Variants in SMAD3 observed in about 807,000 individuals in gnomAD.
SMAD3 encodes MAD homolog 3.
Under a neutral mutation model 51.8 loss-of-function variants are expected in SMAD3, and 12 were observed. The observed-to-expected ratio is 0.23, with a 90% confidence interval of 0.15 to 0.38. SMAD3 has a LOEUF of 0.38. Among genes scored for constraint, SMAD3 ranks in the 10% least tolerant of loss-of-function variants. SMAD3 has a pLI of 1.00. For missense variants in SMAD3, 294 were observed against 565.6 expected (o/e 0.52, Z 4.87); for synonymous variants, 238 against 227.7 (o/e 1.05, Z -0.41).
chr15:67,181,316 G>C lies in SMAD3; in HGVS notation c.734G>C (p.Gly245Ala). Residue 245 changes from glycine to alanine, a missense_variant, in exon 6 of 9, where the codon GGG becomes GCG. Around this residue, in one of 3 missense-constraint regions of SMAD3, gnomAD observed 118 missense variants for 278.0 expected, o/e 0.42. Transcript: ENST00000327367. ...TACTACGAGCTGAACCAGCGCGTCG[G>C]GGAGACATTCCACGCCTCGCAGCCA... ...ISYYELNQRV[G>A]ETFHASQPSM... The C allele has an allele frequency of 1.2e-6, 2 of 1,614,056 alleles. No individual in the cohort carries two copies. Among genetic ancestry groups the C allele is most frequent in the Non-Finnish European group, 1.7e-6 (2 of 1,180,034 alleles).
At chr15:67,074,251 G>C (rs1960119358) in intron 1 of SMAD3, among the ~76,000 whole-genome samples, 3 of 152,234 alleles carry the variant, frequency 2.0e-5, no homozygotes, top group Non-Finnish European at 4.4e-5. Flanking sequence ...TGCCTCTTGA[G>C]ATGCAGTGAA....
chr15:67,091,351 GT>G (rs1169224239), intron 1 of SMAD3, among the ~76,000 whole-genome samples: 1 of 152,240 alleles, frequency 6.6e-6, no homozygotes, highest in Non-Finnish European at 1.5e-5. Context: ...GCTGAAGGCG[GT>G]TTGGGGTGTT....
intron 5 of SMAD3, among the ~76,000 whole-genome samples, chr15:67,180,963 C>T (rs1373860500): frequency 7.3e-6 from 1 of 136,202 alleles, no homozygotes; most frequent in African/African-American, 2.7e-5. Flanking sequence ...GGGGCAGGGC[C>T]TTTATGAGCT....
At chr15:67,146,308 T>C (rs1371456156) in intron 1 of SMAD3, among the ~76,000 whole-genome samples, 1 of 152,244 alleles carries the variant, frequency 6.6e-6, no homozygotes, top group Non-Finnish European at 1.5e-5. Flanking sequence ...AGTAGGCCTG[T>C]AGTAAACACA....
intron 1 of SMAD3, among the ~76,000 whole-genome samples, chr15:67,096,644 T>C (rs2140219319): frequency 6.6e-6 from 1 of 152,270 alleles, no homozygotes; most frequent in African/African-American, 2.4e-5. Context: ...TTGATACTTT[T>C]TTTTTTTTTG....
chr15:67,172,773 C>G (rs887923001), intron 5 of SMAD3, among the ~76,000 whole-genome samples: 5 of 152,170 alleles, frequency 3.3e-5, no homozygotes, highest in Non-Finnish European at 7.3e-5. Context: ...GCGTGCACTC[C>G]CATTGTGGCA....
intron 1 of SMAD3, chr15:67,125,975 C>T (rs528866528): frequency 2.0e-6 from 2 of 985,524 alleles, no homozygotes; most frequent in East Asian, 1.1e-4. Flanking sequence ...TGTTGAGCAA[C>T]CACGTTTGAG....
At chr15:67,103,036 G>GCTTACCATTT (rs1960795213) in intron 1 of SMAD3, among the ~76,000 whole-genome samples, 6 of 152,082 alleles carry the variant, frequency 3.9e-5, no homozygotes, top group Admixed American at 3.9e-4. Flanking sequence ...TCCCAGCTCT[G>GCTTACCATTT]GTATGTAGTA....
At chr15:67,124,107 C>T (rs4776894) in intron 1 of SMAD3, among the ~76,000 whole-genome samples, 100,171 of 151,982 alleles carry the variant, frequency 0.66, 32,979 homozygotes, top group East Asian at 0.71. Context: ...CTAGCCTTGA[C>T]CTCCTGATTA....
intron 4 of SMAD3, 117 bp downstream of exon 4, chr15:67,166,970 T>G: frequency 1.2e-6 from 1 of 848,746 alleles, no homozygotes; most frequent in Non-Finnish European, 2.0e-6. Flanking sequence ...CTCTCCAGTA[T>G]TTGTAGAGCA....
chr15:67,104,332 G>A (rs1960830063), intron 1 of SMAD3, among the ~76,000 whole-genome samples: 1 of 152,230 alleles, frequency 6.6e-6, no homozygotes, highest in Non-Finnish European at 1.5e-5. Flanking sequence ...TCAAGTCATG[G>A]TTAGCCGCAG....
chr15:67,080,327 A>G (rs1960253799), intron 1 of SMAD3, among the ~76,000 whole-genome samples: 1 of 152,218 alleles, frequency 6.6e-6, no homozygotes, highest in Non-Finnish European at 1.5e-5. Context: ...AGCTTAATTA[A>G]CTGGAGTATG....
intron 5 of SMAD3, among the ~76,000 whole-genome samples, chr15:67,170,944 G>GGACAGCCATGCAGACTCCAGCCCCCT (rs1962735439): frequency 6.6e-6 from 1 of 152,176 alleles, no homozygotes; most frequent in African/African-American, 2.4e-5. Context: ...GCAAAGCCAC[G>GGACAGCCATGCAGACTCCAGCCCCCT]GACAGCCATG....
Position 67,192,616 on chromosome 15 carries a change from G to A in SMAD3, c.*2080G>A. On this transcript the variant is annotated 3_prime_UTR_variant, in exon 9 of 9. Transcript: ENST00000327367. ...AAAAGCCATGGGCAGCAGTTTCCGA[G>A]GGCCTGCATGATCCACCTGCTGCAC... The A allele has an allele frequency of 4.3e-6, 1 of 233,302 alleles. No homozygotes were observed. Among genetic ancestry groups the A allele is most frequent in the East Asian group, 6.0e-5 (1 of 16,702 alleles). The allele number at this position is 233,302 out of a possible 1,614,324, so 14.5% of individuals were successfully genotyped here. A position where few individuals can be genotyped will look rare whatever the true frequency, so the allele number is the denominator to read the frequency against.
chr15:67,188,556 C>G (rs748050803), intron 8 of SMAD3, among the ~76,000 whole-genome samples: 5 of 152,348 alleles, frequency 3.3e-5, no homozygotes, highest in South Asian at 4.1e-4. Context: ...TTTCCACTCA[C>G]GGACCAAAGT....
At chr15:67,112,264 C>T (rs1961034390) in intron 1 of SMAD3, among the ~76,000 whole-genome samples, 1 of 147,404 alleles carries the variant, frequency 6.8e-6, no homozygotes. Context: ...ATTCTCCTGC[C>T]TTAGCCTCCC....
intron 5 of SMAD3, among the ~76,000 whole-genome samples, chr15:67,173,616 T>C (rs1021010241): frequency 7.9e-5 from 12 of 152,180 alleles, no homozygotes; most frequent in African/African-American, 2.7e-4. Flanking sequence ...CCCTCTTGCC[T>C]ATAGAATAAA....
chr15:67,126,515 C>G (rs1054588262), intron 1 of SMAD3, among the ~76,000 whole-genome samples: 1 of 152,184 alleles, frequency 6.6e-6, no homozygotes, highest in Admixed American at 6.5e-5. Flanking sequence ...GTTCAGGTGG[C>G]CCAGGGGCTG....
intron 1 of SMAD3, among the ~76,000 whole-genome samples, chr15:67,143,380 A>T (rs1431026282): frequency 2.6e-5 from 4 of 152,198 alleles, no homozygotes; most frequent in Admixed American, 1.3e-4. Context: ...GGAGCAAAAT[A>T]TGTCTAGGCT....
Sources: gnomAD v4.1 joint callset for allele counts (sites outside exome capture counted in the v4.1 genomes callset) on GRCh38, gnomAD v4.1.1 for gene constraint, gnomAD v4.1.1 regional missense constraint, MANE v1.5 for transcripts, NCBI Gene and HGNC (gene_info 2026-07-23, HGNC 2026-07-21) for gene names.